WDR49: variants seen among roughly 807,000 people sequenced by gnomAD.
WDR49 encodes the protein cilia- and flagella-associated protein 337.
In WDR49, 107 loss-of-function variants were observed where a neutral mutation model predicts 119.5. The ratio of observed to expected loss-of-function variants is 0.90; its 90% CI spans 0.77 to 1.05. WDR49 has a LOEUF of 1.05. Among genes scored for constraint, WDR49 ranks in the 50% least tolerant of loss-of-function variants. WDR49 has a pLI of 0.00. For missense variants in WDR49, 1,240 were observed against 1,220.5 expected, an observed-to-expected ratio of 1.02 and a Z score of -0.24; for synonymous variants, 425 against 418.8, an observed-to-expected ratio of 1.01 and a Z score of -0.18.
At chr3:167,548,672 G>A (rs114483192) in intron 10 of WDR49, among the ~76,000 whole-genome samples, 1,727 of 151,892 alleles carry the variant, frequency 0.011, 25 homozygotes, top group African/African-American at 0.039. Context: ...AACTCAAGTT[G>A]CAATGATATT....
intron 18 of WDR49, among the ~76,000 whole-genome samples, chr3:167,497,899 G>C (rs1339897031): frequency 7.0e-6 from 1 of 142,582 alleles, no homozygotes; most frequent in Admixed American, 7.0e-5. Flanking sequence ...TTTTCAACAG[G>C]CTAGTGCAGT....
At chr3:167,581,988 A>G (rs1192788385) in intron 7 of WDR49, among the ~76,000 whole-genome samples, 3 of 152,050 alleles carry the variant, frequency 2.0e-5, no homozygotes, top group South Asian at 4.1e-4. Context: ...AGAGATAGAT[A>G]TAAAATAACA....
chr3:167,537,272 T>G (rs1256124119), intron 10 of WDR49, among the ~76,000 whole-genome samples: 1 of 152,188 alleles, frequency 6.6e-6, no homozygotes, highest in African/African-American at 2.4e-5. Context: ...TTTATCAGAT[T>G]AATTATCCAT....
intron 2 of WDR49, among the ~76,000 whole-genome samples, chr3:167,628,819 T>C (rs1717242664): frequency 1.3e-5 from 2 of 152,142 alleles, no homozygotes; most frequent in South Asian, 4.1e-4. Context: ...TTTAGGACTT[T>C]CGTAGCTGAG....
chr3:167,639,112 G>A (rs897703763), intron 2 of WDR49, among the ~76,000 whole-genome samples: 1 of 151,622 alleles, frequency 6.6e-6, no homozygotes, highest in East Asian at 1.9e-4. Flanking sequence ...TAGAAACTTG[G>A]GGGAATAAGC....
chr3:167,492,104 C>G (rs1452765618), intron 18 of WDR49, among the ~76,000 whole-genome samples: 1 of 150,670 alleles, frequency 6.6e-6, no homozygotes, highest in Admixed American at 6.6e-5. Flanking sequence ...AAGGTAGCCT[C>G]TGCAATGATA....
chr3:167,543,197 A>T (rs886497843), intron 10 of WDR49, among the ~76,000 whole-genome samples: 17 of 152,110 alleles, frequency 1.1e-4, no homozygotes, highest in African/African-American at 3.9e-4. Context: ...TCATAGCTGA[A>T]TTCTATCAGA....
chr3:167,491,253 T>C (rs1210569622), intron 18 of WDR49, among the ~76,000 whole-genome samples: 1 of 152,138 alleles, frequency 6.6e-6, no homozygotes, highest in Non-Finnish European at 1.5e-5. Flanking sequence ...ATGAGTGATA[T>C]TCATTTTTCT....
At chr3:167,618,807 A>G (rs967301450) in intron 5 of WDR49, among the ~76,000 whole-genome samples, 1 of 152,168 alleles carries the variant, frequency 6.6e-6, no homozygotes, top group African/African-American at 2.4e-5. Flanking sequence ...GATCAGAATG[A>G]TATGATAGAC....
intron 2 of WDR49, among the ~76,000 whole-genome samples, chr3:167,638,626 C>A (rs1046718908): frequency 6.6e-6 from 1 of 151,514 alleles, no homozygotes. Flanking sequence ...TTTATATCAT[C>A]CCCTGCAATT....
chr3:167,651,938 T>C (rs1718402439), intron 2 of WDR49, among the ~76,000 whole-genome samples: 1 of 152,170 alleles, frequency 6.6e-6, no homozygotes, highest in Admixed American at 6.6e-5. Context: ...TCAAATTCTT[T>C]GTGTTCTTAG....
intron 2 of WDR49, among the ~76,000 whole-genome samples, chr3:167,628,501 G>A (rs1717229471): frequency 6.6e-6 from 1 of 152,072 alleles, no homozygotes; most frequent in Non-Finnish European, 1.5e-5. Flanking sequence ...GATCAAACCA[G>A]GCACAACATT....
rs2108269813 is a variant in WDR49, at chr3:167,559,966, C to T, written c.1674+98G>A. 4 of 1,377,920 alleles carry T rather than the reference C, an allele frequency of 2.9e-6. No homozygotes were observed. In the East Asian group the frequency reaches 9.9e-5, roughly 34 times the overall value. The allele number at this position is 1,377,920 out of a possible 1,614,324, so 85.4% of individuals were successfully genotyped here. ...ATGTCTCATTTCTCTTCTTGCAATA[C>T]CAAAAAGGCAAAAAATGAGAATATC... On this transcript the variant is annotated intron_variant, in intron 9 of 18. Coordinates refer to ENST00000682715, the MANE Select transcript of WDR49 (RefSeq NM_001366157.1).
At chr3:167,509,163 T>A (rs1373014402) in intron 16 of WDR49, among the ~76,000 whole-genome samples, 2 of 152,180 alleles carry the variant, frequency 1.3e-5, no homozygotes, top group Non-Finnish European at 2.9e-5. Flanking sequence ...AGCAATTTTT[T>A]AAATGGTAAC....
intron 18 of WDR49, among the ~76,000 whole-genome samples, chr3:167,483,749 T>A (rs1413502200): frequency 6.6e-6 from 1 of 152,124 alleles, no homozygotes; most frequent in Non-Finnish European, 1.5e-5. Context: ...TGGAAATGAT[T>A]GTTGCTTGTA....
intron 10 of WDR49, among the ~76,000 whole-genome samples, chr3:167,552,912 A>C (rs942190714): frequency 6.6e-6 from 1 of 152,126 alleles, no homozygotes; most frequent in African/African-American, 2.4e-5. Context: ...TTACAACTTA[A>C]CCTAATGGAC....
intron 5 of WDR49, among the ~76,000 whole-genome samples, chr3:167,611,928 C>A (rs1716359249): frequency 6.6e-6 from 1 of 152,150 alleles, no homozygotes; most frequent in African/African-American, 2.4e-5. Context: ...CTGGACAGAA[C>A]TTCTGGAAAG....
At chr3:167,634,453 C>T (rs1247483081) in intron 2 of WDR49, among the ~76,000 whole-genome samples, 3 of 151,864 alleles carry the variant, frequency 2.0e-5, no homozygotes, top group African/African-American at 7.2e-5. Flanking sequence ...CAACTTTAGA[C>T]CTTTTGAAAA....
chr3:167,540,165 T>C (rs112144115), intron 10 of WDR49, among the ~76,000 whole-genome samples: 146 of 152,278 alleles, frequency 9.6e-4, no homozygotes, highest in African/African-American at 3.2e-3. Flanking sequence ...CCACTGCCTG[T>C]AACATCCTGG....
Sources: allele counts gnomAD v4.1 joint callset (sites outside exome capture counted in the v4.1 genomes callset), GRCh38; gene constraint gnomAD v4.1.1; transcripts MANE v1.5; gene names NCBI Gene and HGNC (gene_info 2026-07-23, HGNC 2026-07-21).